Variants in TMPRSS9 observed in about 807,000 individuals in gnomAD.
TMPRSS9 encodes transmembrane serine protease 9.
Under a neutral mutation model 111.4 loss-of-function variants are expected in TMPRSS9, and 113 were observed. The ratio of observed to expected loss-of-function variants is 1.01; its 90% CI spans 0.87 to 1.19. The LOEUF is 1.19. Ranked by LOEUF, TMPRSS9 falls within the 50% of genes most tolerant of loss-of-function variation. The pLI is 0.00. For missense variants in TMPRSS9, 1,803 were observed against 1,513.1 expected (o/e 1.19, Z -3.18); for synonymous variants, 805 against 659.1 (o/e 1.22, Z -3.39).
At chr19:2,424,718 C>T (rs948347659) in intron 15 of TMPRSS9, among the ~76,000 whole-genome samples, 2 of 152,178 alleles carry the variant, frequency 1.3e-5, no homozygotes, top group Admixed American at 6.5e-5. Flanking sequence ...CAGCTCTGGG[C>T]TCTGCAGGGC....
At chr19:2,381,695 G>T (rs144194380) in intron 1 of TMPRSS9, among the ~76,000 whole-genome samples, 3,946 of 152,182 alleles carry the variant, frequency 0.026, 76 homozygotes, top group Non-Finnish European at 0.043. Context: ...GGCCAGGCAT[G>T]GAGTGGCTGT....
intron 7 of TMPRSS9, among the ~76,000 whole-genome samples, chr19:2,407,986 C>A (rs1396612698): frequency 6.6e-6 from 1 of 151,958 alleles, no homozygotes; most frequent in African/African-American, 2.4e-5. Flanking sequence ...GTTTCACCAT[C>A]TTGGCCAGGC....
chr19:2,378,140 A>G (rs564094836), intron 1 of TMPRSS9, among the ~76,000 whole-genome samples: 3 of 152,194 alleles, frequency 2.0e-5, no homozygotes, highest in South Asian at 4.2e-4. Context: ...TTGGTTTCCC[A>G]AAGTGTTGGA....
At chr19:2,380,545 G>C (rs1970378082) in intron 1 of TMPRSS9, among the ~76,000 whole-genome samples, 1 of 142,050 alleles carries the variant, frequency 7.0e-6, no homozygotes, top group South Asian at 2.3e-4. Context: ...AGGTTGCAGT[G>C]AGCCAAAGTT....
intron 13 of TMPRSS9, among the ~76,000 whole-genome samples, chr19:2,420,219 A>T (rs1218357958): frequency 1.3e-5 from 2 of 152,070 alleles, no homozygotes. Context: ...CAGGCAGATC[A>T]CCTGAGGTAG....
intron 1 of TMPRSS9, among the ~76,000 whole-genome samples, chr19:2,369,597 A>ATTTTTTTTT (rs71178266): frequency 2.7e-5 from 3 of 110,382 alleles, no homozygotes; most frequent in Non-Finnish European, 3.6e-5. Flanking sequence ...CTAATTTGTA[A>ATTTTTTTTT]TTTTTTTTTT....
At chr19:2,374,293 T>G (rs1599276188) in intron 1 of TMPRSS9, among the ~76,000 whole-genome samples, 1 of 116,992 alleles carries the variant, frequency 8.5e-6, no homozygotes, top group Non-Finnish European at 1.7e-5. Context: ...TTTAAAGAGG[T>G]AGGGCGCGGT....
intron 1 of TMPRSS9, among the ~76,000 whole-genome samples, chr19:2,380,296 C>CA (rs980629489): frequency 2.7e-5 from 4 of 149,904 alleles, no homozygotes; most frequent in East Asian, 2.0e-4. Flanking sequence ...AAAAAAACAA[C>CA]AAAAAAACCC....
intron 2 of TMPRSS9, among the ~76,000 whole-genome samples, chr19:2,397,457 G>T (rs570593970): frequency 6.6e-6 from 1 of 152,146 alleles, no homozygotes; most frequent in East Asian, 1.9e-4. Flanking sequence ...AGGATGAACA[G>T]GGAAACACAG....
chr19:2,377,454 C>CCTCCCCTCTCCCCT (rs760201703), intron 1 of TMPRSS9, among the ~76,000 whole-genome samples: 39 of 108,762 alleles, frequency 3.6e-4, no homozygotes, highest in African/African-American at 1.6e-3. Flanking sequence ...TTCCTTCTCC[C>CCTCCCCTCTCCCCT]CTCCCCTCTC....
intron 2 of TMPRSS9, 97 bp from the exon 4 acceptor site, chr19:2,398,698 C>G: frequency 2.7e-6 from 2 of 751,058 alleles, no homozygotes; most frequent in Non-Finnish European, 3.9e-6. Context: ...TGGAACCAAC[C>G]CCTTCTCCAG....
At chr19:2,416,247 G>A (rs1971227824) in intron 11 of TMPRSS9, 1 of 469,588 alleles carries the variant, frequency 2.1e-6, no homozygotes, top group South Asian at 4.0e-5. Flanking sequence ...CAACAAAAAA[G>A]AGACTCATAA....
chr19:2,416,918 C>A, intron 12 of TMPRSS9, 109 bp downstream of exon 13: 1 of 1,342,146 alleles, frequency 7.5e-7, no homozygotes, highest in Non-Finnish European at 9.9e-7. Flanking sequence ...TTCCACTGCA[C>A]AGGGACCTCT....
intron 7 of TMPRSS9, among the ~76,000 whole-genome samples, chr19:2,405,757 G>C (rs1970955754): frequency 6.7e-6 from 1 of 149,748 alleles, no homozygotes; most frequent in Admixed American, 6.7e-5. Context: ...CCAGGCTGGA[G>C]TGCAGTGACG....
At chr19:2,420,735 T>C (rs1971445224) in intron 13 of TMPRSS9, among the ~76,000 whole-genome samples, 2 of 152,224 alleles carry the variant, frequency 1.3e-5, no homozygotes. Flanking sequence ...ATGCCTGTCT[T>C]CTAGGAGTGT....
At chr19:2,401,301 C>G (rs1441300541) in intron 4 of TMPRSS9, among the ~76,000 whole-genome samples, 3 of 152,010 alleles carry the variant, frequency 2.0e-5, no homozygotes, top group Non-Finnish European at 4.4e-5. Flanking sequence ...TTGACCTTGA[C>G]ATGCAGGACA....
At chr19:2,380,157 G>A (rs1424250363) in intron 1 of TMPRSS9, among the ~76,000 whole-genome samples, 1 of 151,994 alleles carries the variant, frequency 6.6e-6, no homozygotes, top group Non-Finnish European at 1.5e-5. Context: ...CCACTTAGTG[G>A]GAGAATCATG....
In TMPRSS9 at chr19:2,398,947, T is replaced by TAGAAGATTCC; in HGVS notation, c.339-58_339-49dup. On this transcript the variant is annotated intron_variant, in intron 3 of 17. Transcript: ENST00000648592. ...GAGTCCAGAAAAGTTTGGAAGATTC[T>TAGAAGATTCC]AGAAGATTCCAGAAGATTCCAGCAG... 5.8e-6 allele frequency: 9 copies of TAGAAGATTCC among 1,548,084 alleles called. No individual in the cohort carries two copies. In the South Asian group the frequency reaches 9.5e-5, roughly 16 times the overall value.
chr19:2,407,337 C>G (rs932366612), intron 7 of TMPRSS9, among the ~76,000 whole-genome samples: 3 of 151,478 alleles, frequency 2.0e-5, no homozygotes, highest in African/African-American at 7.3e-5. Flanking sequence ...GCCTGGCCAA[C>G]ATGGTGAAAG....
Sources: gnomAD v4.1 joint callset for allele counts (sites outside exome capture counted in the v4.1 genomes callset) on GRCh38, gnomAD v4.1.1 for gene constraint, MANE v1.5 for transcripts, NCBI Gene and HGNC (gene_info 2026-07-23, HGNC 2026-07-21) for gene names.